Variants in CNTN4 observed in about 807,000 individuals in gnomAD.
CNTN4 encodes contactin 4, also known as contactin-4.
In CNTN4, 77 loss-of-function variants were observed where a neutral mutation model predicts 122.5. That is an observed-to-expected ratio of 0.63 (90% CI 0.52 to 0.76). The LOEUF is 0.76. Among genes scored for constraint, CNTN4 ranks in the 30% least tolerant of loss-of-function variants. The pLI is 0.00. For synonymous variants in CNTN4, 512 were observed against 447.0 expected, an observed-to-expected ratio of 1.15 and a Z score of -1.83; for missense variants, 1,256 against 1,259.1, an observed-to-expected ratio of 1.00 and a Z score of 0.04.
intron 2 of CNTN4, among the ~76,000 whole-genome samples, chr3:2,159,878 T>C (rs1403343307): frequency 6.6e-6 from 1 of 152,104 alleles, no homozygotes; most frequent in Non-Finnish European, 1.5e-5. Flanking sequence ...TTGCCCTCAT[T>C]TCTGTTTAAC....
At chr3:2,443,398 T>C (rs575323672) in intron 3 of CNTN4, among the ~76,000 whole-genome samples, 1 of 152,310 alleles carries the variant, frequency 6.6e-6, no homozygotes, top group South Asian at 2.1e-4. Flanking sequence ...CTGAATTTTC[T>C]TCTGTGCTTT....
At chr3:2,303,740 C>T (rs1208620538) in intron 2 of CNTN4, among the ~76,000 whole-genome samples, 1 of 152,134 alleles carries the variant, frequency 6.6e-6, no homozygotes, top group Non-Finnish European at 1.5e-5. Flanking sequence ...TCTCTTTCAG[C>T]ACTACCGCAG....
chr3:2,479,234 C>G (rs751573027), intron 3 of CNTN4, among the ~76,000 whole-genome samples: 7 of 152,086 alleles, frequency 4.6e-5, no homozygotes, highest in African/African-American at 7.2e-5. Flanking sequence ...ATTTCTATAG[C>G]CTTTTATCTT....
chr3:2,259,316 GACT>G (rs766924987), intron 2 of CNTN4, among the ~76,000 whole-genome samples: 7 of 152,174 alleles, frequency 4.6e-5, no homozygotes, highest in Non-Finnish European at 5.9e-5. Context: ...TTTGGACAAT[GACT>G]GATGTTTTAT....
intron 2 of CNTN4, among the ~76,000 whole-genome samples, chr3:2,185,499 T>G (rs560679253): frequency 2.2e-4 from 34 of 152,240 alleles, no homozygotes; most frequent in African/African-American, 7.2e-4. Context: ...CAGGGCACTT[T>G]CCATATGCTC....
intron 2 of CNTN4, among the ~76,000 whole-genome samples, chr3:2,145,347 G>C (rs1315092884): frequency 1.3e-5 from 2 of 152,148 alleles, no homozygotes; most frequent in African/African-American, 4.8e-5. Context: ...GCTACAGTTG[G>C]TCATGTTGCA....
chr3:2,963,632 T>A (rs147228818), intron 13 of CNTN4, among the ~76,000 whole-genome samples: 1 of 152,328 alleles, frequency 6.6e-6, no homozygotes, highest in Non-Finnish European at 1.5e-5. Flanking sequence ...AAGAGAGGCC[T>A]TCCATGTTTA....
intron 4 of CNTN4, among the ~76,000 whole-genome samples, chr3:2,616,671 C>A (rs1239161928): frequency 6.6e-6 from 1 of 152,158 alleles, no homozygotes; most frequent in Non-Finnish European, 1.5e-5. Context: ...AATCGCCATT[C>A]TGACTGTCAT....
intron 3 of CNTN4, among the ~76,000 whole-genome samples, chr3:2,437,846 G>A: frequency 6.6e-6 from 1 of 152,180 alleles, no homozygotes; most frequent in East Asian, 1.9e-4. Flanking sequence ...GGGAGAGTTC[G>A]TGTAGATGTC....
intron 3 of CNTN4, among the ~76,000 whole-genome samples, chr3:2,391,866 A>G (rs2046453196): frequency 6.6e-6 from 1 of 152,168 alleles, no homozygotes; most frequent in Admixed American, 6.6e-5. Flanking sequence ...ATGTCCCATC[A>G]GTTTTGGAAA....
rs139219047 is a variant in CNTN4, at chr3:2,895,034, C to G, written c.941-5651C>G. ...TTTATTTTCGAGACAGGGTCTTGCT[C>G]TGTCCCCCATGCTGGAGTACAGTGG... On this transcript the variant is annotated intron_variant, in intron 10 of 24. Transcript: ENST00000418658. 7.5e-3 allele frequency among the ~76,000 whole-genome samples: 1,140 copies of G among 152,272 alleles called. 15 individuals carry two copies. Among genetic ancestry groups the G allele is most frequent in the African/African-American group, 0.026 (1,082 of 41,542 alleles).
chr3:2,780,002 T>G (rs1185699099), intron 6 of CNTN4, among the ~76,000 whole-genome samples: 1 of 152,250 alleles, frequency 6.6e-6, no homozygotes, highest in Non-Finnish European at 1.5e-5. Flanking sequence ...ATTATCATTT[T>G]AAGTACTCAC....
At chr3:2,434,959 C>T (rs940468430) in intron 3 of CNTN4, among the ~76,000 whole-genome samples, 1 of 152,164 alleles carries the variant, frequency 6.6e-6, no homozygotes, top group Non-Finnish European at 1.5e-5. Flanking sequence ...AACTCTGAGA[C>T]AGAGGAGAAT....
intron 13 of CNTN4, among the ~76,000 whole-genome samples, chr3:2,963,155 C>G (rs1369894599): frequency 1.3e-5 from 2 of 152,148 alleles, no homozygotes; most frequent in Non-Finnish European, 2.9e-5. Context: ...CACCGTTTCT[C>G]TAGTCTATGC....
At chr3:2,390,397 G>C (rs2046401910) in intron 3 of CNTN4, among the ~76,000 whole-genome samples, 5 of 152,096 alleles carry the variant, frequency 3.3e-5, no homozygotes, top group Admixed American at 3.3e-4. Context: ...GATGCACCTA[G>C]TTAAAGTTTC....
intron 3 of CNTN4, among the ~76,000 whole-genome samples, chr3:2,372,034 C>T (rs531073399): frequency 7.3e-4 from 111 of 152,260 alleles, no homozygotes; most frequent in Non-Finnish European, 1.3e-3. Flanking sequence ...TTTAAATAAA[C>T]AATCATCATA....
chr3:2,520,674 C>CT (rs1458872897), intron 3 of CNTN4, among the ~76,000 whole-genome samples: 4 of 151,792 alleles, frequency 2.6e-5, no homozygotes, highest in African/African-American at 7.3e-5. Flanking sequence ...CTAATTTACA[C>CT]TTTTTTTTAA....
chr3:2,851,446 A>G (rs7645324), intron 7 of CNTN4, among the ~76,000 whole-genome samples: 42,400 of 152,154 alleles, frequency 0.28, 5,996 homozygotes, highest in Non-Finnish European at 0.31. Context: ...TCATAGATCA[A>G]TTAAAACTCC....
chr3:2,321,654 C>T (rs1216688772), intron 2 of CNTN4, among the ~76,000 whole-genome samples: 1 of 151,648 alleles, frequency 6.6e-6, no homozygotes, highest in African/African-American at 2.4e-5. Context: ...CAGATTGTCT[C>T]GGAGGTCTTG....
Sources: gnomAD v4.1 joint callset for allele counts (sites outside exome capture counted in the v4.1 genomes callset) on GRCh38, gnomAD v4.1.1 for gene constraint, MANE v1.5 for transcripts, NCBI Gene and HGNC (gene_info 2026-07-23, HGNC 2026-07-21) for gene names.